The following PTF1A variants were observed in gnomAD, a reference collection of about 807,000 sequenced individuals.
PTF1A encodes the protein pancreas associated transcription factor 1a, also known as pancreas transcription factor 1 subunit alpha.
Under a neutral mutation model 22.6 loss-of-function variants are expected in PTF1A, and 18 were observed. The observed-to-expected ratio is 0.80, with a 90% CI of 0.55 to 1.18. The LOEUF (loss-of-function observed/expected upper bound fraction) is 1.18. PTF1A is among the 50% of genes most tolerant of loss of function. The probability of loss-of-function intolerance (pLI) is 0.00; values close to 1 mark genes in which losing one functional copy is unlikely to be tolerated. For missense variants in PTF1A, 477 were observed against 473.0 expected (o/e 1.01, Z -0.08); for synonymous variants, 259 against 227.9 (o/e 1.14, Z -1.23).
In PTF1A at chr10:23,193,957, C is replaced by A; in HGVS notation, c.*51C>A. 3.8e-6 allele frequency: 5 copies of A among 1,333,010 alleles called. No individual in the cohort carries two copies. Among genetic ancestry groups the A allele is most frequent in the South Asian group, 1.2e-5 (1 of 85,420 alleles). The allele number at this position is 1,333,010 out of a possible 1,614,324, so 82.6% of individuals were successfully genotyped here. A position where few individuals can be genotyped will look rare whatever the true frequency, so the allele number is the denominator to read the frequency against. ...TGATTATGTCTCTGTGCATATTGTACATGTAAATATCTATAATGTAAATGT... is the reference window on the plus strand; with the variant it reads ...TGATTATGTCTCTGTGCATATTGTAAATGTAAATATCTATAATGTAAATGT... On this transcript the variant is annotated 3_prime_UTR_variant, in exon 2 of 2. Transcript: ENST00000376504.
chr10:23,193,849 C>T lies in PTF1A; in HGVS notation c.930C>T (p.Asn310=). The T allele has an allele frequency of 6.2e-7, 1 of 1,614,128 alleles. No individual in the cohort carries two copies. Among genetic ancestry groups the T allele is most frequent in the Non-Finnish European group, 8.5e-7 (1 of 1,180,026 alleles). ...CCCCAGAGGACCCCAGAAAACTCAA[C>T]AGCAAATCTTCCTTCAACAACATAG... ...VWTPEDPRKL[N]SKSSFNNIEN... Residue 310 remains asparagine, a synonymous_variant, in exon 2 of 2, where the codon AAC becomes AAT. Coordinates refer to ENST00000376504, the MANE Select transcript of PTF1A (RefSeq NM_178161.3).
In PTF1A at chr10:23,192,623, T is replaced by G. The variant is rs755476080; in HGVS notation, c.93T>G (p.Ser31=). ...AGGACGACTTCTTCACCGACCAGTC[T>G]TCACGGGACCCCCTGGAGGACGGCG... ...FDEDDFFTDQ[S]SRDPLEDGDE... The change falls in exon 1 of 2, where the codon TCT becomes TCG. Residue 31 remains serine, a synonymous_variant. Transcript: ENST00000376504. 10 of 1,602,478 alleles carry G rather than the reference T, an allele frequency of 6.2e-6. No homozygotes were observed. Among genetic ancestry groups the G allele is most frequent in the Middle Eastern group, 1.7e-4 (1 of 6,020 alleles).
Position 23,194,091 on chromosome 10 carries a change from T to G in PTF1A, c.*185T>G. The G allele has an allele frequency of 3.5e-6, 2 of 568,176 alleles. No individual in the cohort carries two copies. The highest frequency in any genetic ancestry group is 6.1e-5 in the Admixed American group (2 of 32,622). 35.2% of individuals were successfully genotyped at this position (568,176 alleles called of 1,614,324 possible). A position where few individuals can be genotyped will look rare whatever the true frequency, so the allele number is the denominator to read the frequency against. ...GATTTCTTTTTAAATATATAATTTA[T>G]ATAACTTATCCTGATTTTCTGAAAA... On this transcript the variant is annotated 3_prime_UTR_variant, in exon 2 of 2. Transcript: ENST00000376504.
Position 23,192,400 on chromosome 10 carries a change from G to C in PTF1A, c.-131G>C, listed in dbSNP as rs1468159156. 3 of 1,300,854 alleles carry C rather than the reference G, an allele frequency of 2.3e-6. No individual in the cohort carries two copies. The highest frequency in any genetic ancestry group is 3.0e-5 in the East Asian group (1 of 33,790). 80.6% of individuals were successfully genotyped at this position (1,300,854 alleles called of 1,614,324 possible). A position where few individuals can be genotyped will look rare whatever the true frequency, so the allele number is the denominator to read the frequency against. On this transcript the variant is annotated 5_prime_UTR_variant, in exon 1 of 2. Transcript: ENST00000376504. ...GGGCACTCCAGGGAGGCCCGGGGGC[G>C]GGCAGCCCGGCGGCCGCCTAGCTGC...
At position 23,192,472 on chromosome 10, in the gene PTF1A, A is replaced by G; in HGVS notation, c.-59A>G. 6.3e-7 allele frequency: 1 copy of G among 1,585,290 alleles called. No homozygotes were observed. The highest frequency in any genetic ancestry group is 8.5e-7 in the Non-Finnish European group (1 of 1,172,652). On this transcript the variant is annotated 5_prime_UTR_variant, in exon 1 of 2. Transcript: ENST00000376504. ...GGAGGGGCTCGGACGGGCCTTAGAA[A>G]CTCACCAAGAACTAACACGCGCAGC...
Position 23,194,165 on chromosome 10 carries a change from C to G in PTF1A, c.*259C>G, listed in dbSNP as rs144824953. 1.1e-4 allele frequency: 46 copies of G among 414,006 alleles called. No individual in the cohort carries two copies. The highest frequency in any genetic ancestry group is 8.5e-4 in the African/African-American group (42 of 49,328). The allele number at this position is 414,006 out of a possible 1,614,324, so 25.6% of individuals were successfully genotyped here. A position where few individuals can be genotyped will look rare whatever the true frequency, so the allele number is the denominator to read the frequency against. ...TGAACTCTGTGTTGTTGGGAGAACT[C>G]TGGCCAGAAAACGTCCTGCTTATTT... On this transcript the variant is annotated 3_prime_UTR_variant, in exon 2 of 2. Transcript: ENST00000376504.
chr10:23,192,674 C>T lies in PTF1A; in HGVS notation c.144C>T (p.Ala48=), dbSNP rs1274819558. 1 of 1,598,012 alleles carries T rather than the reference C, an allele frequency of 6.3e-7. No homozygotes were observed. Among genetic ancestry groups the T allele is most frequent in the East Asian group, 2.3e-5 (1 of 42,886 alleles). Residue 48 remains alanine (A), a synonymous_variant, in exon 1 of 2, where the codon GCC becomes GCT. Coordinates refer to ENST00000376504, the MANE Select transcript of PTF1A (RefSeq NM_178161.3). ...ATGAGCTGCTGGCGGACGAGCAGGC[C>T]GAGGTGGAGTTCCTTAGCCACCAGC... ...DGDELLADEQ[A]EVEFLSHQLH... is the part of the protein sequence containing the mutation.
In PTF1A at chr10:23,192,875, C is replaced by G; in HGVS notation, c.345C>G (p.Pro115=). 7.6e-7 allele frequency: 1 copy of G among 1,314,484 alleles called. No individual in the cohort carries two copies. Among genetic ancestry groups the G allele is most frequent in the Non-Finnish European group, 9.7e-7 (1 of 1,029,298 alleles). The allele number at this position is 1,314,484 out of a possible 1,614,324, so 81.4% of individuals were successfully genotyped here. A position where few individuals can be genotyped will look rare whatever the true frequency, so the allele number is the denominator to read the frequency against. Residue 115 remains proline (P), a synonymous_variant, in exon 1 of 2, where the codon CCC becomes CCG. Coordinates refer to ENST00000376504, the MANE Select transcript of PTF1A (RefSeq NM_178161.3). ...CCCCAGGCGGCTTCCCCTACTCGCC[C>G]GGCTCGCCGCCCTCGTGCCTGGCCT... The part of the protein sequence containing the change: ...GAPPGGFPYS[P]GSPPSCLAYP...
Position 23,193,081 on chromosome 10 carries a change from A to G in PTF1A, c.551A>G (p.Glu184Gly), listed in dbSNP as rs1397588373. Reference sequence around the variant, plus strand: ...ATGCAGTCCATCAACGACGCCTTCGAGGGGCTGCGCTCGCACATCCCCACG... The same window carrying G: ...ATGCAGTCCATCAACGACGCCTTCGGGGGGCTGCGCTCGCACATCCCCACG... ...RRMQSINDAF[E>G]GLRSHIPTLP... Residue 184 changes from glutamate (E) to glycine (G), a missense_variant, in exon 1 of 2, where the codon GAG (glutamate) becomes GGG (glycine). Transcript: ENST00000376504. 2.1e-6 allele frequency: 3 copies of G among 1,408,706 alleles called. No individual in the cohort carries two copies. The highest frequency in any genetic ancestry group is 2.8e-6 in the Non-Finnish European group (3 of 1,071,950). The allele number at this position is 1,408,706 out of a possible 1,614,324, so 87.3% of individuals were successfully genotyped here.
Position 23,192,759 on chromosome 10 carries a change from G to A in PTF1A, c.229G>A (p.Ala77Thr), listed in dbSNP as rs549685905. 79 of 1,417,766 alleles carry A rather than the reference G, an allele frequency of 5.6e-5. No homozygotes were observed. In the East Asian group the frequency reaches 2.1e-3, roughly 38 times the overall value. 87.8% of individuals were successfully genotyped at this position (1,417,766 alleles called of 1,614,324 possible). A position where few individuals can be genotyped will look rare whatever the true frequency, so the allele number is the denominator to read the frequency against. Residue 77 changes from alanine to threonine, a missense_variant, in exon 1 of 2, where the codon GCC becomes ACC. Ala to Thr is a moderately conservative substitution (Grantham distance 58). Coordinates refer to ENST00000376504, the MANE Select transcript of PTF1A (RefSeq NM_178161.3). ...CLLLQPAPPA[A>T]PLALAPPSSG... Reference sequence around the variant, plus strand: ...GCTGCTGCAGCCCGCGCCCCCGGCCGCCCCGCTAGCGCTCGCCCCGCCGTC... The same window carrying A: ...GCTGCTGCAGCCCGCGCCCCCGGCCACCCCGCTAGCGCTCGCCCCGCCGTC...
intron 1 of PTF1A, 140 bp from the exon 2 acceptor site, chr10:23,193,564 G>T: frequency 1.2e-6 from 1 of 834,258 alleles, no homozygotes; most frequent in Non-Finnish European, 2.0e-6. Context: ...GGAGGGGACG[G>T]TGGGGACTTG....
chr10:23,193,176 A>G lies in PTF1A; in HGVS notation c.646A>G (p.Ser216Gly), dbSNP rs1208643370. The change falls in exon 1 of 2, where the codon AGC becomes GGC. Residue 216 changes from serine to glycine, a missense_variant. Physicochemically the swap from Ser to Gly is moderately conservative, Grantham distance 56 (BLOSUM62 0). Transcript: ENST00000376504. ...GGCCATCGGCTACATCAACTTCCTC[A>G]GCGAGCTCGTGCAGGCCGACCTGCC... ...RLAIGYINFL[S>G]ELVQADLPLR... is the part of the protein sequence containing the mutation. The G allele has an allele frequency of 7.1e-7, 1 of 1,404,018 alleles. No individual in the cohort carries two copies. Among genetic ancestry groups the G allele is most frequent in the South Asian group, 1.4e-5 (1 of 72,406 alleles). 87.0% of individuals were successfully genotyped at this position (1,404,018 alleles called of 1,614,324 possible).
In PTF1A at chr10:23,193,987, T is replaced by C. The variant is rs1327576256; in HGVS notation, c.*81T>C. 2 of 1,206,980 alleles carry C rather than the reference T, an allele frequency of 1.7e-6. No homozygotes were observed. Among genetic ancestry groups the C allele is most frequent in the Non-Finnish European group, 2.5e-6 (2 of 814,086 alleles). 74.8% of individuals were successfully genotyped at this position (1,206,980 alleles called of 1,614,324 possible). A position where few individuals can be genotyped will look rare whatever the true frequency, so the allele number is the denominator to read the frequency against. ...AAATATCTATAATGTAAATGTAATT[T>C]AAGAATCAAATTTTTCGAATGGCAA... is the stretch of plus-strand genomic sequence containing the variant. On this transcript the variant is annotated 3_prime_UTR_variant, in exon 2 of 2. Transcript: ENST00000376504.
chr10:23,192,612 A>G lies in PTF1A; in HGVS notation c.82A>G (p.Thr28Ala). ...GTACTTCGACGAGGACGACTTCTTC[A>G]CCGACCAGTCTTCACGGGACCCCCT... ...SSYFDEDDFF[T>A]DQSSRDPLED... The change falls in exon 1 of 2, where the codon ACC becomes GCC. Residue 28 changes from threonine (T) to alanine (A), a missense_variant. Thr to Ala is a moderately conservative substitution (Grantham distance 58). Coordinates refer to ENST00000376504, the MANE Select transcript of PTF1A (RefSeq NM_178161.3). The G allele has an allele frequency of 6.2e-7, 1 of 1,603,604 alleles. No individual in the cohort carries two copies. Among genetic ancestry groups the G allele is most frequent in the Non-Finnish European group, 8.5e-7 (1 of 1,175,336 alleles).
intron 1 of PTF1A, 128 bp downstream of exon 1, chr10:23,193,442 G>T: frequency 3.4e-6 from 3 of 889,856 alleles, no homozygotes; most frequent in Non-Finnish European, 4.9e-6. Context: ...GGAAAAACTT[G>T]AATGCGAGCT....
At position 23,192,529 on chromosome 10, in the gene PTF1A, G is replaced by C; in HGVS notation, c.-2G>C. On this transcript the variant is annotated 5_prime_UTR_variant, in exon 1 of 2. Transcript: ENST00000376504. ...GTCCCGCTGCCCACTGCGGCGGCGA[G>C]CATGGACGCGGTGTTGCTGGAGCAC... 6.3e-7 allele frequency: 1 copy of C among 1,589,188 alleles called. No individual in the cohort carries two copies. The highest frequency in any genetic ancestry group is 1.4e-5 in the African/African-American group (1 of 72,616).
Position 23,193,044 on chromosome 10 carries a change from G to C in PTF1A, c.514G>C (p.Glu172Gln). The change falls in exon 1 of 2, where the codon GAG (glutamate) becomes CAG (glutamine). Residue 172 changes from glutamate (E) to glutamine (Q), a missense_variant. Physicochemically the swap from Glu to Gln is conservative, Grantham distance 29 (BLOSUM62 2). Transcript: ENST00000376504. Reference protein sequence around the residue: ...QQLRQAANVRERRRMQSINDA... With the variant: ...QQLRQAANVRQRRRMQSINDA... ...GCTGCGGCAGGCGGCCAACGTGCGC[G>C]AGCGGCGGCGCATGCAGTCCATCAA... is the stretch of plus-strand genomic sequence containing the variant. 1 of 1,321,432 alleles carries C rather than the reference G, an allele frequency of 7.6e-7. No homozygotes were observed. The highest frequency in any genetic ancestry group is 9.8e-7 in the Non-Finnish European group (1 of 1,023,112). 81.9% of individuals were successfully genotyped at this position (1,321,432 alleles called of 1,614,324 possible). A position where few individuals can be genotyped will look rare whatever the true frequency, so the allele number is the denominator to read the frequency against.
At position 23,193,149 on chromosome 10, in the gene PTF1A, C is replaced by T. The variant is rs1417380776; in HGVS notation, c.619C>T (p.Leu207=). 2.1e-6 allele frequency: 3 copies of T among 1,426,726 alleles called. No individual in the cohort carries two copies. Among genetic ancestry groups the T allele is most frequent in the Non-Finnish European group, 2.8e-6 (3 of 1,082,572 alleles). The allele number at this position is 1,426,726 out of a possible 1,614,324, so 88.4% of individuals were successfully genotyped here. A position where few individuals can be genotyped will look rare whatever the true frequency, so the allele number is the denominator to read the frequency against. Residue 207 remains leucine (L), a synonymous_variant, in exon 1 of 2, where the codon CTG becomes TTG. Coordinates refer to ENST00000376504, the MANE Select transcript of PTF1A (RefSeq NM_178161.3). ...CCTCTCCAAGGTGGACACGCTGCGC[C>T]TGGCCATCGGCTACATCAACTTCCT... ...KRLSKVDTLR[L]AIGYINFLSE... is the part of the protein sequence containing the mutation.
intron 1 of PTF1A, 37 bp from the exon 2 acceptor site, chr10:23,193,667 G>T: frequency 7.2e-7 from 1 of 1,397,344 alleles, no homozygotes; most frequent in Non-Finnish European, 1.0e-6. Context: ...AATGTGGTTG[G>T]ATATTCACAG....
Sources: allele counts gnomAD v4.1 joint callset, GRCh38; gene constraint gnomAD v4.1.1; transcripts MANE v1.5; gene names NCBI Gene and HGNC (gene_info 2026-07-23, HGNC 2026-07-21).